Variants in LRPPRC observed in about 807,000 individuals in gnomAD.
LRPPRC encodes leucine rich pentatricopeptide repeat containing, also known as leucine-rich PPR motif-containing protein, mitochondrial.
A neutral mutation model predicts 180.3 loss-of-function variants in LRPPRC; 120 were observed. The observed-to-expected ratio is 0.67, with a 90% CI of 0.57 to 0.77. LRPPRC has a LOEUF of 0.77. Ranked by LOEUF, LRPPRC falls within the 30% of genes least tolerant of loss-of-function variation. The probability of loss-of-function intolerance (pLI) is 0.00; values close to 1 mark genes in which losing one functional copy is unlikely to be tolerated. For synonymous variants in LRPPRC, 723 were observed against 600.0 expected, an observed-to-expected ratio of 1.21 and a Z score of -3.00; for missense variants, 2,012 against 1,657.2, an observed-to-expected ratio of 1.21 and a Z score of -3.72.
chr2:43,930,723 C>A (rs776076808), intron 25 of LRPPRC, among the ~76,000 whole-genome samples: 1 of 152,132 alleles, frequency 6.6e-6, no homozygotes, highest in Non-Finnish European at 1.5e-5. Context: ...TTGAAAGCCC[C>A]TGATACACAA....
At chr2:43,964,155 T>G (rs1673464371) in intron 11 of LRPPRC, among the ~76,000 whole-genome samples, 1 of 152,206 alleles carries the variant, frequency 6.6e-6, no homozygotes, top group African/African-American at 2.4e-5. Flanking sequence ...GTTACTAATT[T>G]CTGATTTCAT....
chr2:43,918,318 A>C lies in LRPPRC; in HGVS notation c.2977T>G (p.Leu993Val). The C allele has an allele frequency of 6.2e-7, 1 of 1,610,282 alleles. No individual in the cohort carries two copies. Among genetic ancestry groups the C allele is most frequent in the Non-Finnish European group, 8.5e-7 (1 of 1,176,584 alleles). ...CTAAGGATTTCTGCTAATAATCTTA[A>C]TGTCTTTTCACGAGGAATAACATTT... ...EENVIPREKT[L>V]RLLAEILREG... Residue 993 changes from leucine to valine, a missense_variant, in exon 28 of 38, where the codon TTA (leucine) becomes GTA (valine). Transcript: ENST00000260665.
intron 19 of LRPPRC, among the ~76,000 whole-genome samples, 162 bp from the exon 20 acceptor site, chr2:43,947,532 T>G (rs1044981726): frequency 5.3e-5 from 8 of 152,064 alleles, no homozygotes; most frequent in African/African-American, 1.9e-4. Context: ...CTCCAGGGAT[T>G]TACAAACCTT....
At chr2:43,970,209 T>C (rs1472800408) in intron 11 of LRPPRC, among the ~76,000 whole-genome samples, 1 of 152,222 alleles carries the variant, frequency 6.6e-6, no homozygotes, top group Admixed American at 6.5e-5. Flanking sequence ...TCCAGTAACA[T>C]TTATCAGAAG....
chr2:43,952,306 G>A (rs1422313520), intron 14 of LRPPRC, among the ~76,000 whole-genome samples: 1 of 152,124 alleles, frequency 6.6e-6, no homozygotes, highest in Admixed American at 6.5e-5. Flanking sequence ...TAAAACAACT[G>A]AAAATGACTA....
At chr2:43,979,460 T>G (rs542735962) in intron 3 of LRPPRC, among the ~76,000 whole-genome samples, 1 of 152,306 alleles carries the variant, frequency 6.6e-6, no homozygotes, top group East Asian at 1.9e-4. Flanking sequence ...TTCTTACTAT[T>G]ACAAACAAGC....
At chr2:43,926,993 A>G (rs1456953423) in intron 25 of LRPPRC, among the ~76,000 whole-genome samples, 1 of 152,262 alleles carries the variant, frequency 6.6e-6, no homozygotes, top group Non-Finnish European at 1.5e-5. Context: ...CGTTTGGTCA[A>G]TAAGTCTGGC....
rs1673919064 is a variant in LRPPRC at position 43,973,689 on chromosome 2, A to G, written c.1287T>C (p.Ala429=). Residue 429 remains alanine, a synonymous_variant, in exon 11 of 38, where the codon GCT becomes GCC. Coordinates refer to ENST00000260665, the MANE Select transcript of LRPPRC (RefSeq NM_133259.4). ...KTDLAKALMK[A]VKEEGFPIRP... ...TGATAGGAAAACCTTCCTCCTTCAC[A>G]GCCTTCATTAAGGCTTTTGCCAAAT... 4 of 1,613,912 alleles carry G rather than the reference A, an allele frequency of 2.5e-6. No individual in the cohort carries two copies. Among genetic ancestry groups the G allele is most frequent in the Middle Eastern group, 3.3e-4 (2 of 6,062 alleles).
chr2:43,973,200 G>C (rs1233708335), intron 11 of LRPPRC, among the ~76,000 whole-genome samples: 1 of 152,086 alleles, frequency 6.6e-6, no homozygotes, highest in African/African-American at 2.4e-5. Flanking sequence ...AAAAGAAATA[G>C]ATTGGCCCAC....
Position 43,992,192 on chromosome 2 carries a change from G to A in LRPPRC, c.149+3607C>T, listed in dbSNP as rs114016995. Among the ~76,000 whole-genome samples the A allele has an allele frequency of 5.9e-3, 898 of 152,188 alleles. 9 individuals carry two copies. The highest frequency in any genetic ancestry group is 0.021 in the African/African-American group (854 of 41,514). ...CAAGTTAAGGTTCAACAGAGATGGG[G>A]GACACCTGACTAAGGGGGAAGGGGA... On this transcript the variant is annotated intron_variant, in intron 1 of 37. Transcript: ENST00000260665.
intron 29 of LRPPRC, among the ~76,000 whole-genome samples, chr2:43,916,928 G>T (rs1450301066): frequency 1.6e-5 from 2 of 125,348 alleles, no homozygotes; most frequent in Non-Finnish European, 3.1e-5. Context: ...CTGGGTGACA[G>T]AGTGAGACCT....
intron 11 of LRPPRC, among the ~76,000 whole-genome samples, chr2:43,970,664 G>C (rs569530636): frequency 1.3e-5 from 2 of 152,254 alleles, no homozygotes; most frequent in South Asian, 2.1e-4. Context: ...AGTTTAATGA[G>C]AATTATAACA....
intron 36 of LRPPRC, among the ~76,000 whole-genome samples, chr2:43,893,227 G>T (rs1670558422): frequency 6.6e-6 from 1 of 152,238 alleles, no homozygotes. Flanking sequence ...GAACACTGTT[G>T]AGATGACAAC....
chr2:43,977,332 A>C, intron 3 of LRPPRC, 56 bp from the exon 4 acceptor site: 1 of 1,349,402 alleles, frequency 7.4e-7, no homozygotes, highest in Non-Finnish European at 1.1e-6. Flanking sequence ...CCTATGCTTT[A>C]AAGTGGACCT....
intron 11 of LRPPRC, among the ~76,000 whole-genome samples, chr2:43,972,314 T>C (rs1388620329): frequency 6.6e-6 from 1 of 152,196 alleles, no homozygotes; most frequent in Non-Finnish European, 1.5e-5. Flanking sequence ...ATAAAGCCCA[T>C]TTTCTACTAT....
chr2:43,896,383 T>A (rs904642692), intron 35 of LRPPRC: 43 of 386,512 alleles, frequency 1.1e-4, no homozygotes, highest in Non-Finnish European at 2.0e-4. Flanking sequence ...ATCTTGCATT[T>A]TTTAAGGGCC....
Position 43,977,160 on chromosome 2 carries a change from T to C in LRPPRC, c.586A>G (p.Asn196Asp), listed in dbSNP as rs1674094694. 1.9e-6 allele frequency: 3 copies of C among 1,612,186 alleles called. No individual in the cohort carries two copies. The highest frequency in any genetic ancestry group is 2.5e-6 in the Non-Finnish European group (3 of 1,178,456). ...AKMEEANIQP[N>D]RVTYQRLIAS... ...TCACAATAGCAACTACTTACTCGAT[T>C]TGGTTGAATGTTTGCTTCCTCCATT... The change falls in exon 4 of 38, where the codon AAT becomes GAT. Residue 196 changes from asparagine to aspartate, a missense_variant. By Grantham distance (23) the Asn-to-Asp change is conservative. Coordinates refer to ENST00000260665, the MANE Select transcript of LRPPRC (RefSeq NM_133259.4).
At chr2:43,980,670 C>T (rs1270784126) in intron 2 of LRPPRC, among the ~76,000 whole-genome samples, 1 of 151,742 alleles carries the variant, frequency 6.6e-6, no homozygotes, top group Non-Finnish European at 1.5e-5. Flanking sequence ...TAATCAGCTA[C>T]AATATAAGCT....
upstream of LRPPRC, chr2:43,996,058 T>TG: frequency 5.6e-6 from 6 of 1,079,060 alleles, no homozygotes; most frequent in Admixed American, 2.3e-5. Flanking sequence ...GTGCCAAATG[T>TG]GGGGGGAGCG....
Sources: allele counts gnomAD v4.1 joint callset (sites outside exome capture counted in the v4.1 genomes callset), GRCh38; gene constraint gnomAD v4.1.1; transcripts MANE v1.5; gene names NCBI Gene and HGNC (gene_info 2026-07-23, HGNC 2026-07-21).